Variants in DIP2C observed in about 807,000 individuals in gnomAD.
DIP2C encodes disco-interacting protein 2 homolog C.
A neutral mutation model predicts 192.4 loss-of-function variants in DIP2C; 33 were observed. The ratio of observed to expected loss-of-function variants is 0.17; its 90% CI spans 0.13 to 0.23. The LOEUF is 0.23. DIP2C is among the 10% of genes least tolerant of loss of function. The pLI is 1.00. For synonymous variants in DIP2C, 979 were observed against 864.1 expected (o/e 1.13, Z -2.33); for missense variants, 1,537 against 2,110.1 (o/e 0.73, Z 5.32).
At chr10:414,712 T>TGC (rs1451211122) in intron 7 of DIP2C, among the ~76,000 whole-genome samples, 1 of 69,778 alleles carries the variant, frequency 1.4e-5, no homozygotes, top group Non-Finnish European at 2.7e-5. Context: ...TATGTATGTG[T>TGC]GTGTGTGTGT....
chr10:344,738 C>T (rs41288739), intron 28 of DIP2C, 71 bp downstream of exon 28: 23,641 of 1,303,508 alleles, frequency 0.018, 271 homozygotes, highest in Non-Finnish European at 0.022. Flanking sequence ...TGAGAGCCAG[C>T]ACGTGACCTG....
At chr10:394,386 G>A (rs946723846) in intron 10 of DIP2C, among the ~76,000 whole-genome samples, 20 of 151,490 alleles carry the variant, frequency 1.3e-4, no homozygotes, top group Non-Finnish European at 2.6e-4. Context: ...CAGCGAGGAG[G>A]GAACCCTGCC....
chr10:303,143 A>G (rs1413312324), intron 32 of DIP2C, among the ~76,000 whole-genome samples: 2 of 152,236 alleles, frequency 1.3e-5, no homozygotes, highest in African/African-American at 2.4e-5. Flanking sequence ...GAGCCAAGAC[A>G]TCACCACACG....
At chr10:598,051 C>A (rs1851819404) in intron 1 of DIP2C, among the ~76,000 whole-genome samples, 1 of 152,224 alleles carries the variant, frequency 6.6e-6, no homozygotes, top group South Asian at 2.1e-4. Context: ...CTCCTCTAAC[C>A]ACCGCTGGAC....
chr10:422,918 G>C lies in DIP2C; in HGVS notation c.510C>G (p.Gly170=), dbSNP rs141628995. The change falls in exon 5 of 37, where the codon GGC becomes GGG. Residue 170 remains glycine, a synonymous_variant. Transcript: ENST00000280886. ...ACGAGGAGGTGGTGGACGTGGTGGA[G>C]CCGTGGATGGCCTGGCTGATCCAGT... ...MEHWISQAIH[G]STTSTTSSSS... is the part of the protein sequence containing the mutation. 6.2e-7 allele frequency: 1 copy of C among 1,614,070 alleles called. No individual in the cohort carries two copies. Among genetic ancestry groups the C allele is most frequent in the Non-Finnish European group, 8.5e-7 (1 of 1,180,038 alleles).
chr10:396,811 T>C (rs1191838031), intron 10 of DIP2C, among the ~76,000 whole-genome samples: 1 of 54,538 alleles, frequency 1.8e-5, no homozygotes, highest in Non-Finnish European at 4.8e-5. Flanking sequence ...CGTGGAGTGC[T>C]GGCTGCAAAT....
At chr10:396,966 G>C (rs1287585418) in intron 10 of DIP2C, among the ~76,000 whole-genome samples, 9 of 152,146 alleles carry the variant, frequency 5.9e-5, no homozygotes, top group Non-Finnish European at 1.0e-4. Flanking sequence ...TTTGTACATA[G>C]GAAATGAAAA....
chr10:593,412 A>G (rs1443617458), intron 1 of DIP2C, among the ~76,000 whole-genome samples: 2 of 136,810 alleles, frequency 1.5e-5, no homozygotes, highest in Non-Finnish European at 3.1e-5. Flanking sequence ...CTGCCTTCAC[A>G]CCTCACCCCC....
intron 29 of DIP2C, among the ~76,000 whole-genome samples, chr10:339,300 G>C (rs982510862): frequency 1.3e-5 from 2 of 151,974 alleles, no homozygotes; most frequent in Admixed American, 1.3e-4. Context: ...TTTTTTAATG[G>C]GAAGATTCAT....
intron 10 of DIP2C, 52 bp downstream of exon 10, chr10:399,057 C>T (rs6560836): frequency 0.56 from 837,492 of 1,483,332 alleles, 238,401 homozygotes; most frequent in East Asian, 0.71. Flanking sequence ...ATACAGCCAC[C>T]GTGAAAGCCA....
chr10:574,727 G>A (rs1240212920), intron 1 of DIP2C, among the ~76,000 whole-genome samples: 3 of 152,160 alleles, frequency 2.0e-5, no homozygotes, highest in Non-Finnish European at 4.4e-5. Context: ...CGAAAATCAA[G>A]GCCATGGTAC....
chr10:360,266 A>C (rs1197165369), intron 22 of DIP2C, among the ~76,000 whole-genome samples: 4 of 152,106 alleles, frequency 2.6e-5, no homozygotes, highest in Non-Finnish European at 5.9e-5. Context: ...CCTCACTCTC[A>C]AAGTCTGTTC....
chr10:389,414 G>T (rs1564649612), intron 13 of DIP2C, among the ~76,000 whole-genome samples: 1 of 152,062 alleles, frequency 6.6e-6, no homozygotes, highest in African/African-American at 2.4e-5. Context: ...TCCCCTCTTT[G>T]CCTCCCATAC....
At chr10:661,117 G>C (rs993268502) in intron 1 of DIP2C, among the ~76,000 whole-genome samples, 1 of 152,186 alleles carries the variant, frequency 6.6e-6, no homozygotes, top group Non-Finnish European at 1.5e-5. Context: ...GAGTCAACAC[G>C]CACAGTGTTG....
intron 4 of DIP2C, among the ~76,000 whole-genome samples, chr10:428,515 A>G (rs529537027): frequency 1.6e-4 from 25 of 152,246 alleles, no homozygotes; most frequent in Non-Finnish European, 3.2e-4. Context: ...GAAGTCATGC[A>G]TTGTTCAAAT....
intron 1 of DIP2C, among the ~76,000 whole-genome samples, chr10:611,815 T>C (rs538903629): frequency 7.5e-4 from 114 of 152,268 alleles, no homozygotes; most frequent in African/African-American, 2.7e-3. Flanking sequence ...TAACATGATA[T>C]TCAGAGGCAG....
At chr10:340,256 TTATAAATATATTAACA>T (rs1416846705) in intron 29 of DIP2C, among the ~76,000 whole-genome samples, 2 of 152,130 alleles carry the variant, frequency 1.3e-5, no homozygotes, top group Non-Finnish European at 2.9e-5. Context: ...CGTCTCAGTT[TTATAAATATATTAACA>T]TATATTTATT....
intron 9 of DIP2C, among the ~76,000 whole-genome samples, chr10:407,472 C>G (rs1169628415): frequency 6.6e-6 from 1 of 152,196 alleles, no homozygotes; most frequent in African/African-American, 2.4e-5. Context: ...CTGGATCACA[C>G]AGTAATTCCA....
chr10:671,152 G>A (rs181889210), intron 1 of DIP2C, among the ~76,000 whole-genome samples: 49 of 152,322 alleles, frequency 3.2e-4, no homozygotes, highest in African/African-American at 1.1e-3. Context: ...TGTGTGTCAC[G>A]CAAACCCCTG....
Sources: gnomAD v4.1 joint callset for allele counts (sites outside exome capture counted in the v4.1 genomes callset) on GRCh38, gnomAD v4.1.1 for gene constraint, MANE v1.5 for transcripts, NCBI Gene and HGNC (gene_info 2026-07-23, HGNC 2026-07-21) for gene names.